Variants in DRC1 observed in about 807,000 individuals in gnomAD.
The protein encoded by DRC1 is dynein regulatory complex subunit 1, also known as dynein regulatory complex protein 1.
A neutral mutation model predicts 98.7 loss-of-function variants in DRC1; 74 were observed. That is an observed-to-expected ratio of 0.75 (90% CI 0.62 to 0.91). The LOEUF (loss-of-function observed/expected upper bound fraction) is 0.91, where lower values mean the gene tolerates loss of function less well. DRC1 is among the 40% of genes least tolerant of loss of function. The probability of loss-of-function intolerance (pLI) is 0.00; values close to 1 mark genes in which losing one functional copy is unlikely to be tolerated. For synonymous variants in DRC1, 336 were observed against 334.1 expected, an observed-to-expected ratio of 1.01 and a Z score of -0.06; for missense variants, 875 against 886.0, an observed-to-expected ratio of 0.99 and a Z score of 0.16.
At position 26,418,638 on chromosome 2, in the gene DRC1, TTTATATAATATATAAA is replaced by T. The variant is rs1461627324; in HGVS notation, c.244-2642_244-2627del. On this transcript the variant is annotated intron_variant, in intron 2 of 16. Coordinates refer to ENST00000288710, the MANE Select transcript of DRC1 (RefSeq NM_145038.5). ...TATATATAATATAAATTATATATAATTTATATAATATATAAATTATATATTATATAAATTAAATATA... is the reference window on the plus strand; with the variant it reads ...TATATATAATATAAATTATATATAATTTATATATTATATAAATTAAATATA... Among the ~76,000 whole-genome samples, 186 of 92,900 alleles carry T rather than the reference TTTATATAATATATAAA, an allele frequency of 2.0e-3. 2 individuals are homozygous for T. The highest frequency in any genetic ancestry group is 9.3e-3 in the Middle Eastern group (2 of 216). 60.9% of individuals were successfully genotyped at this position (92,900 alleles called of 152,430 possible).
intron 1 of DRC1, among the ~76,000 whole-genome samples, chr2:26,407,715 T>G (rs1314465058): frequency 3.3e-5 from 5 of 152,122 alleles, no homozygotes; most frequent in Non-Finnish European, 7.4e-5. Flanking sequence ...CACAGAGACC[T>G]CTTCCTGGAC....
At chr2:26,448,901 C>A in intron 11 of DRC1, 98 bp downstream of exon 11, 1 of 1,247,948 alleles carries the variant, frequency 8.0e-7, no homozygotes, top group Non-Finnish European at 1.2e-6. Flanking sequence ...AGGAGTGGGC[C>A]AGTCCTCCCC....
intron 13 of DRC1, among the ~76,000 whole-genome samples, chr2:26,452,552 A>AAATGTG (rs1211698108): frequency 6.6e-6 from 1 of 152,238 alleles, no homozygotes; most frequent in African/African-American, 2.4e-5. Context: ...TTCTCTAAAT[A>AAATGTG]TATCTCATTA....
At chr2:26,439,936 T>TATATATATATATATACACAC (rs548209014) in intron 7 of DRC1, among the ~76,000 whole-genome samples, 1 of 75,464 alleles carries the variant, frequency 1.3e-5, no homozygotes, top group African/African-American at 4.3e-5. Flanking sequence ...TATATATATA[T>TATATATATATATATACACAC]ACACACACAC....
Position 26,401,979 on chromosome 2 carries a change from G to A in DRC1, c.-11G>A. ...GCGGAGGGAGCCGCCTAGGGACCAG[G>A]GACTCCTGCCATGAATCCGCCGGGG... On this transcript the variant is annotated 5_prime_UTR_variant, in exon 1 of 17. Transcript: ENST00000288710. 6.3e-7 allele frequency: 1 copy of A among 1,594,004 alleles called. No individual in the cohort carries two copies. Among genetic ancestry groups the A allele is most frequent in the Non-Finnish European group, 8.5e-7 (1 of 1,170,736 alleles).
chr2:26,421,501 C>A, intron 3 of DRC1, 101 bp downstream of exon 3: 44 of 743,994 alleles, frequency 5.9e-5, no homozygotes, highest in East Asian at 7.2e-5. Flanking sequence ...CCACCTTAGA[C>A]AATTCCCTTC....
chr2:26,449,483 C>T (rs1031708608), intron 11 of DRC1, among the ~76,000 whole-genome samples: 1 of 152,264 alleles, frequency 6.6e-6, no homozygotes, highest in Admixed American at 6.5e-5. Flanking sequence ...CCATGGAGCT[C>T]TCCCCCAGGC....
At chr2:26,410,634 AGC>A (rs1366957055) in intron 1 of DRC1, among the ~76,000 whole-genome samples, 18 of 152,152 alleles carry the variant, frequency 1.2e-4, no homozygotes, top group Admixed American at 1.2e-3. Flanking sequence ...GAAAGAATGG[AGC>A]AGGGAGCATA....
chr2:26,437,179 G>A (rs1377331006), intron 7 of DRC1, among the ~76,000 whole-genome samples: 4 of 152,316 alleles, frequency 2.6e-5, no homozygotes, highest in Non-Finnish European at 4.4e-5. Context: ...TTTGCAAGAA[G>A]AGCTTCTGAG....
intron 16 of DRC1, among the ~76,000 whole-genome samples, chr2:26,455,598 C>T (rs1664132970): frequency 6.6e-6 from 1 of 152,238 alleles, no homozygotes; most frequent in Non-Finnish European, 1.5e-5. Flanking sequence ...GTGAGGTGGA[C>T]AGGGCGGAAA....
intron 12 of DRC1, 50 bp from the exon 13 acceptor site, chr2:26,450,542 C>T (rs57757727): frequency 1.0e-5 from 16 of 1,554,132 alleles, no homozygotes; most frequent in African/African-American, 8.2e-5. Context: ...TGCCCAAGCC[C>T]GTGGCCTCTT....
At chr2:26,403,410 T>C (rs1678315695) in intron 1 of DRC1, among the ~76,000 whole-genome samples, 2 of 152,234 alleles carry the variant, frequency 1.3e-5, no homozygotes, top group African/African-American at 4.8e-5. Flanking sequence ...GCCCTAAAAA[T>C]CCCCTGTGCT....
chr2:26,447,649 C>A lies in DRC1; in HGVS notation c.1397-1042C>A, dbSNP rs372976927. On this transcript the variant is annotated intron_variant, in intron 10 of 16. Transcript: ENST00000288710. ...TGGTGCAGTCTTGGCTCACTGCAAC[C>A]TCCACCTCCTGGGTTCAAGCGATTC... Among the ~76,000 whole-genome samples, 22 of 151,730 alleles carry A rather than the reference C, an allele frequency of 1.4e-4. No homozygotes were observed. The East Asian group carries it at 2.8e-3, about 20-fold the overall frequency.
At chr2:26,414,266 T>A in intron 1 of DRC1, 78 bp from the exon 2 acceptor site, 4 of 1,466,062 alleles carry the variant, frequency 2.7e-6, no homozygotes, top group Non-Finnish European at 3.8e-6. Context: ...CATGAGCTAC[T>A]GTGCCAGGCC....
At chr2:26,406,770 G>A (rs1158090997) in intron 1 of DRC1, among the ~76,000 whole-genome samples, 1 of 150,318 alleles carries the variant, frequency 6.7e-6, no homozygotes, top group Admixed American at 6.6e-5. Context: ...CCAATCTCTG[G>A]TGTCTTAGTT....
rs567267284 is a variant in DRC1 at position 26,415,466 on chromosome 2, T to C, written c.243+1035T>C. ...ATATTCACGTTGCTGAATATGATTATAGAGCATAGAGGTATAGAGAGATCA... is the reference window on the plus strand; with the variant it reads ...ATATTCACGTTGCTGAATATGATTACAGAGCATAGAGGTATAGAGAGATCA... On this transcript the variant is annotated intron_variant, in intron 2 of 16. Transcript: ENST00000288710. 2.0e-5 allele frequency among the ~76,000 whole-genome samples: 3 copies of C among 152,284 alleles called. No homozygotes were observed. In the South Asian group the frequency reaches 6.2e-4, roughly 32 times the overall value.
chr2:26,450,347 C>T (rs181008275), intron 12 of DRC1, among the ~76,000 whole-genome samples: 90 of 152,356 alleles, frequency 5.9e-4, no homozygotes, highest in Non-Finnish European at 1.0e-4. Context: ...AAACTCAAAT[C>T]TGGTGCAGCC....
chr2:26,453,347 G>A lies in DRC1; in HGVS notation c.1717G>A (p.Glu573Lys). The A allele has an allele frequency of 6.2e-7, 1 of 1,613,220 alleles. No individual in the cohort carries two copies. The highest frequency in any genetic ancestry group is 1.1e-5 in the South Asian group (1 of 91,070). ...QIKPCSQASMEKASMEETSTR... is the reference protein window; with the variant it reads ...QIKPCSQASMKKASMEETSTR... ...CAAGCCCTGCAGTCAGGCGAGCATG[G>A]AGAAGGCGAGCATGGAGGAGACAAG... is the stretch of plus-strand genomic sequence containing the variant. Residue 573 changes from glutamate (E) to lysine (K), a missense_variant, in exon 14 of 17, where the codon GAG becomes AAG. Coordinates refer to ENST00000288710, the MANE Select transcript of DRC1 (RefSeq NM_145038.5).
At chr2:26,424,492 T>A (rs1440588304) in intron 4 of DRC1, 38 bp downstream of exon 4, 2 of 1,578,612 alleles carry the variant, frequency 1.3e-6, no homozygotes, top group Non-Finnish European at 8.6e-7. Context: ...CCACAGGGGA[T>A]CTGCCTGGGA....
Sources: allele counts gnomAD v4.1 joint callset (sites outside exome capture counted in the v4.1 genomes callset), GRCh38; gene constraint gnomAD v4.1.1; transcripts MANE v1.5; gene names NCBI Gene and HGNC (gene_info 2026-07-23, HGNC 2026-07-21).